CDKN2AIP: variants seen among roughly 807,000 people sequenced by gnomAD.
CDKN2AIP encodes CDKN2A interacting protein.
In CDKN2AIP, 12 loss-of-function variants were observed where a neutral mutation model predicts 44.1. The observed-to-expected ratio is 0.27, with a 90% confidence interval of 0.17 to 0.44. CDKN2AIP has a LOEUF of 0.44. Among genes scored for constraint, CDKN2AIP ranks in the 20% least tolerant of loss-of-function variants. The pLI, the probability that CDKN2AIP is intolerant of heterozygous loss-of-function variation, is 1.00. For missense variants in CDKN2AIP, 705 were observed against 681.6 expected, an observed-to-expected ratio of 1.03 and a Z score of -0.38; for synonymous variants, 291 against 272.1, an observed-to-expected ratio of 1.07 and a Z score of -0.68.
intron 1 of CDKN2AIP, 83 bp downstream of exon 1, chr4:183,445,152 G>A (rs1260293220): frequency 6.8e-7 from 1 of 1,474,072 alleles, no homozygotes; most frequent in South Asian, 1.3e-5. Context: ...CCGCGGGACC[G>A]GCCTCGGCGG....
rs760469515 is a variant in CDKN2AIP, at chr4:183,446,913, C to T, written c.1229C>T (p.Pro410Leu). The T allele has an allele frequency of 1.2e-6, 2 of 1,614,162 alleles. No homozygotes were observed. ...SSSQTSTSQL[P>L]SKSTSQSSES... ...TCTCAGACTAGCACCTCACAGTTGC[C>T]TTCTAAAAGTACTTCACAGTCAAGT... The change falls in exon 3 of 3, where the codon CCT (proline) becomes CTT (leucine). Residue 410 changes from proline (P) to leucine (L), a missense_variant. Coordinates refer to ENST00000504169, the MANE Select transcript of CDKN2AIP (RefSeq NM_017632.4).
chr4:183,445,280 G>A, intron 1 of CDKN2AIP: 3 of 652,630 alleles, frequency 4.6e-6, no homozygotes, highest in South Asian at 4.0e-5. Flanking sequence ...GGTGGTGTGG[G>A]CGCAGCTGCT....
rs762851132 is a variant in CDKN2AIP at position 183,446,186 on chromosome 4, G to C, written c.502G>C (p.Ala168Pro). The C allele has an allele frequency of 1.2e-6, 2 of 1,614,172 alleles. No individual in the cohort carries two copies. The highest frequency in any genetic ancestry group is 2.2e-5 in the South Asian group (2 of 91,082). The change falls in exon 3 of 3, where the codon GCA becomes CCA. Residue 168 changes from alanine to proline, a missense_variant. By Grantham distance (27) the Ala-to-Pro change is conservative. This residue lies in a region of CDKN2AIP where 592 missense variants were observed against 518.0 expected (regional missense o/e 1.14). Coordinates refer to ENST00000504169, the MANE Select transcript of CDKN2AIP (RefSeq NM_017632.4). Reference sequence around the variant, plus strand: ...AAAAACCTCTGCCAAGACAGAACGTGCATCAGCTCAGCAGGAAAACAGTTC... The same window carrying C: ...AAAAACCTCTGCCAAGACAGAACGTCCATCAGCTCAGCAGGAAAACAGTTC... ...HAKTSAKTER[A>P]SAQQENSSTC...
Position 183,446,932 on chromosome 4 carries a change from G to A in CDKN2AIP, c.1248G>A (p.Gln416=). 1 of 1,614,206 alleles carries A rather than the reference G, an allele frequency of 6.2e-7. No homozygotes were observed. The highest frequency in any genetic ancestry group is 8.5e-7 in the Non-Finnish European group (1 of 1,180,030). ...TSQLPSKSTS[Q]SSESSVKFSC... ...AGTTGCCTTCTAAAAGTACTTCACA[G>A]TCAAGTGAGAGTTCTGTCAAATTCT... The change falls in exon 3 of 3, where the codon CAG becomes CAA. Residue 416 remains glutamine, a synonymous_variant. Coordinates refer to ENST00000504169, the MANE Select transcript of CDKN2AIP (RefSeq NM_017632.4).
At position 183,446,368 on chromosome 4, in the gene CDKN2AIP, G is replaced by C. The variant is rs1375048446; in HGVS notation, c.684G>C (p.Gly228=). The part of the protein sequence containing the change: ...VSSQVTTAGS[G]KASEAEAPDK... Reference sequence around the variant, plus strand: ...CTCAGGTAACAACGGCAGGATCTGGGAAAGCTTCTGAAGCAGAAGCTCCAG... The same window carrying C: ...CTCAGGTAACAACGGCAGGATCTGGCAAAGCTTCTGAAGCAGAAGCTCCAG... The change falls in exon 3 of 3, where the codon GGG becomes GGC. Residue 228 remains glycine, a synonymous_variant. Transcript: ENST00000504169. The C allele has an allele frequency of 6.2e-7, 1 of 1,612,710 alleles. No homozygotes were observed. Among genetic ancestry groups the C allele is most frequent in the South Asian group, 1.1e-5 (1 of 91,020 alleles).
chr4:183,445,264 G>A, intron 1 of CDKN2AIP, 195 bp downstream of exon 1: 1 of 683,710 alleles, frequency 1.5e-6, no homozygotes, highest in Non-Finnish European at 2.4e-6. Flanking sequence ...GGACGTCTGT[G>A]TGCCCGGTGG....
chr4:183,446,051 A>G (rs1412680336), intron 2 of CDKN2AIP, 37 bp from the exon 3 acceptor site: 29 of 1,520,822 alleles, frequency 1.9e-5, no homozygotes, highest in Non-Finnish European at 2.2e-5. Context: ...TGTACGAGGT[A>G]TTCTTAGTCA....
chr4:183,444,937 C>T lies in CDKN2AIP; in HGVS notation c.140C>T (p.Ala47Val), dbSNP rs777022788. 1.3e-5 allele frequency: 21 copies of T among 1,611,142 alleles called. No homozygotes were observed. The African/African-American group carries it at 2.7e-4, about 20-fold the overall frequency. Residue 47 changes from alanine to valine, a missense_variant, in exon 1 of 3, where the codon GCC becomes GTC. Coordinates refer to ENST00000504169, the MANE Select transcript of CDKN2AIP (RefSeq NM_017632.4). The stretch of plus-strand genomic sequence containing the variant: ...TTGCTTCGCAACGCCGGGGACCTGG[C>T]CCCCGCTGGCGGCGCTGCCTCCGCT... The part of the protein sequence containing the change: ...DFLLRNAGDL[A>V]PAGGAASAST...
In CDKN2AIP at chr4:183,448,419, G is replaced by A. The variant is rs957417746; in HGVS notation, c.*992G>A. Among the ~76,000 whole-genome samples, 63 of 151,952 alleles carry A rather than the reference G, an allele frequency of 4.1e-4. No individual in the cohort carries two copies. The highest frequency in any genetic ancestry group is 3.7e-3 in the Admixed American group (57 of 15,260). ...GTGTTTATGCATCTTTTAGAATACC[G>A]GAAAGAACAGAGAGCCGTGTTCAGC... On this transcript the variant is annotated 3_prime_UTR_variant, in exon 3 of 3. Transcript: ENST00000504169.
At position 183,444,828 on chromosome 4, in the gene CDKN2AIP, C is replaced by G; in HGVS notation, c.31C>G (p.Gln11Glu). 6.4e-7 allele frequency: 1 copy of G among 1,557,254 alleles called. No individual in the cohort carries two copies. Among genetic ancestry groups the G allele is most frequent in the East Asian group, 2.4e-5 (1 of 41,744 alleles). ...GCAGGAGGTGTCGGAGTACCTGAGC[C>G]AGAACCCGCGGGTGGCAGCCTGGGT... is the stretch of plus-strand genomic sequence containing the variant. MAQEVSEYLS[Q>E]NPRVAAWVEA... Residue 11 changes from glutamine to glutamate, a missense_variant, in exon 1 of 3, where the codon CAG becomes GAG. Physicochemically the swap from Gln to Glu is conservative, Grantham distance 29. Around this residue, in one of 2 missense-constraint regions of CDKN2AIP, gnomAD observed 592 missense variants for 518.0 expected, o/e 1.14. Coordinates refer to ENST00000504169, the MANE Select transcript of CDKN2AIP (RefSeq NM_017632.4).
chr4:183,444,837 C>T lies in CDKN2AIP; in HGVS notation c.40C>T (p.Arg14Trp). 1 of 1,562,344 alleles carries T rather than the reference C, an allele frequency of 6.4e-7. No individual in the cohort carries two copies. Among genetic ancestry groups the T allele is most frequent in the Non-Finnish European group, 8.7e-7 (1 of 1,152,658 alleles). ...GTCGGAGTACCTGAGCCAGAACCCG[C>T]GGGTGGCAGCCTGGGTGGAGGCGCT... ...EVSEYLSQNP[R>W]VAAWVEALRC... The change falls in exon 1 of 3, where the codon CGG (arginine) becomes TGG (tryptophan). Residue 14 changes from arginine to tryptophan, a missense_variant. Arg to Trp is a moderately radical substitution (Grantham distance 101). This residue lies in a region of CDKN2AIP where 592 missense variants were observed against 518.0 expected (regional missense o/e 1.14). Transcript: ENST00000504169.
At position 183,445,025 on chromosome 4, in the gene CDKN2AIP, C is replaced by A. The variant is rs765852974; in HGVS notation, c.228C>A (p.Ile76=). ...GTRNRQLQQL[I]SFSMAWANHV... ...GAAACCGGCAGCTGCAGCAGCTCATCTCCTTTTCCATGGCCTGGGCGAACC... is the reference window on the plus strand; with the variant it reads ...GAAACCGGCAGCTGCAGCAGCTCATATCCTTTTCCATGGCCTGGGCGAACC... Residue 76 remains isoleucine, a synonymous_variant, in exon 1 of 3, where the codon ATC becomes ATA. Transcript: ENST00000504169. 1 of 1,600,646 alleles carries A rather than the reference C, an allele frequency of 6.2e-7. No individual in the cohort carries two copies. The highest frequency in any genetic ancestry group is 1.7e-5 in the Admixed American group (1 of 58,894).
Position 183,446,459 on chromosome 4 carries a change from T to C in CDKN2AIP, c.775T>C (p.Ser259Pro). Reference sequence around the variant, plus strand: ...CAGTGTGAATAGTCACATGACCCAATCCACTGATTCTAGACAACAAAGTGG... The same window carrying C: ...CAGTGTGAATAGTCACATGACCCAACCCACTGATTCTAGACAACAAAGTGG... ...KSSVNSHMTQSTDSRQQSGSP... is the reference protein window; with the variant it reads ...KSSVNSHMTQPTDSRQQSGSP... The change falls in exon 3 of 3, where the codon TCC (serine) becomes CCC (proline). Residue 259 changes from serine to proline, a missense_variant. Physicochemically the swap from Ser to Pro is moderately conservative, Grantham distance 74. Around this residue, in one of 2 missense-constraint regions of CDKN2AIP, gnomAD observed 592 missense variants for 518.0 expected, o/e 1.14. Coordinates refer to ENST00000504169, the MANE Select transcript of CDKN2AIP (RefSeq NM_017632.4). The C allele has an allele frequency of 6.2e-7, 1 of 1,613,918 alleles. No individual in the cohort carries two copies. Among genetic ancestry groups the C allele is most frequent in the Non-Finnish European group, 8.5e-7 (1 of 1,179,818 alleles).
chr4:183,448,734 GTTA>G lies in CDKN2AIP; in HGVS notation c.*1310_*1312del, dbSNP rs1173921196. ...GTAAGCACAATTTAAGTATGTAGCA[GTTA>G]TTCCTATTTTGTATTCTAGGAATAA... On this transcript the variant is annotated 3_prime_UTR_variant, in exon 3 of 3. Coordinates refer to ENST00000504169, the MANE Select transcript of CDKN2AIP (RefSeq NM_017632.4). Among the ~76,000 whole-genome samples the G allele has an allele frequency of 6.6e-6, 1 of 152,068 alleles. No homozygotes were observed. Among genetic ancestry groups the G allele is most frequent in the African/African-American group, 2.4e-5 (1 of 41,408 alleles).
Position 183,446,157 on chromosome 4 carries a change from A to T in CDKN2AIP, c.473A>T (p.His158Leu). 2 of 1,614,106 alleles carry T rather than the reference A, an allele frequency of 1.2e-6. No individual in the cohort carries two copies. The highest frequency in any genetic ancestry group is 1.7e-6 in the Non-Finnish European group (2 of 1,179,924). ...GKNSSAVEQD[H>L]AKTSAKTERA... ...AACAGTTCTGCAGTTGAGCAAGATC[A>T]CGCAAAAACCTCTGCCAAGACAGAA... The change falls in exon 3 of 3, where the codon CAC becomes CTC. Residue 158 changes from histidine (H) to leucine (L), a missense_variant. His to Leu is a moderately conservative substitution (Grantham distance 99). Around this residue, in one of 2 missense-constraint regions of CDKN2AIP, gnomAD observed 592 missense variants for 518.0 expected, o/e 1.14. Transcript: ENST00000504169.
In CDKN2AIP at chr4:183,444,852, G is replaced by T. The variant is rs574940357; in HGVS notation, c.55G>T (p.Val19Leu). ...CCAGAACCCGCGGGTGGCAGCCTGG[G>T]TGGAGGCGCTGCGCTGCGACGGCGA... is the stretch of plus-strand genomic sequence containing the variant. Reference protein sequence around the residue: ...LSQNPRVAAWVEALRCDGETD... With the variant: ...LSQNPRVAAWLEALRCDGETD... The change falls in exon 1 of 3, where the codon GTG becomes TTG. Residue 19 changes from valine (V) to leucine (L), a missense_variant. Val to Leu is a conservative substitution (Grantham distance 32). Coordinates refer to ENST00000504169, the MANE Select transcript of CDKN2AIP (RefSeq NM_017632.4). The T allele has an allele frequency of 3.8e-6, 6 of 1,576,450 alleles. No individual in the cohort carries two copies. In the African/African-American group the frequency reaches 8.1e-5, roughly 21 times the overall value.
At chr4:183,445,755 G>T (rs1442779010) in intron 2 of CDKN2AIP, 90 bp downstream of exon 2, 1 of 1,091,726 alleles carries the variant, frequency 9.2e-7, no homozygotes, top group African/African-American at 1.6e-5. Context: ...TTTTTAACAA[G>T]CCAGAATTTT....
In CDKN2AIP at chr4:183,447,563, C is replaced by T; in HGVS notation, c.*136C>T. On this transcript the variant is annotated 3_prime_UTR_variant, in exon 3 of 3. Coordinates refer to ENST00000504169, the MANE Select transcript of CDKN2AIP (RefSeq NM_017632.4). ...TTTGCAGAAAATTTACATTCTAGTT[C>T]TCTTCACACAGTAGCAGTTGTAAAT... 5 of 593,158 alleles carry T rather than the reference C, an allele frequency of 8.4e-6. No homozygotes were observed. Among genetic ancestry groups the T allele is most frequent in the Non-Finnish European group, 1.4e-5 (5 of 344,912 alleles). The allele number at this position is 593,158 out of a possible 1,614,324, so 36.7% of individuals were successfully genotyped here.
Position 183,447,360 on chromosome 4 carries a change from TC to T in CDKN2AIP, c.1678del (p.Asp561MetfsTer7), listed in dbSNP as rs1245439619. 6.3e-7 allele frequency: 1 copy of T among 1,585,872 alleles called. No individual in the cohort carries two copies. The highest frequency in any genetic ancestry group is 8.6e-7 in the Non-Finnish European group (1 of 1,168,692). The stretch of plus-strand genomic sequence containing the variant: ...GGCAGTGAAATAGAAGATCTAGTAC[TC>T]CTTGATGAAGAATCGAGGCCTGTAA... ...YRGSEIEDLV[L>X]LDEESRPVNL... On this transcript the variant is annotated frameshift_variant, in exon 3 of 3. Transcript: ENST00000504169. LOFTEE classifies it high-confidence loss of function.
Sources: gnomAD v4.1 joint callset for allele counts (sites outside exome capture counted in the v4.1 genomes callset) on GRCh38, gnomAD v4.1.1 for gene constraint, gnomAD v4.1.1 regional missense constraint, MANE v1.5 for transcripts, NCBI Gene and HGNC (gene_info 2026-07-23, HGNC 2026-07-21) for gene names.